The following MXI1 variants were observed in gnomAD, a reference collection of about 807,000 sequenced individuals.
MXI1 encodes the protein max-interacting protein 1.
MXI1 carries 18 observed loss-of-function variants against 36.9 expected under a neutral mutation model. That is an observed-to-expected ratio of 0.49 (90% CI 0.34 to 0.72). The LOEUF is 0.72. Among genes scored for constraint, MXI1 ranks in the 30% least tolerant of loss-of-function variants. The pLI, the probability that MXI1 is intolerant of heterozygous loss-of-function variation, is 0.01. For missense variants in MXI1, 304 were observed against 379.1 expected (o/e 0.80, Z 1.64); for synonymous variants, 160 against 146.7 (o/e 1.09, Z -0.65).
At chr10:110,256,265 C>T (rs1247821134) in intron 3 of MXI1, among the ~76,000 whole-genome samples, 3 of 152,030 alleles carry the variant, frequency 2.0e-5, no homozygotes, top group South Asian at 4.2e-4. Flanking sequence ...TTACATATGA[C>T]ACCAAAAACA....
intron 3 of MXI1, among the ~76,000 whole-genome samples, chr10:110,275,877 T>C (rs1260032573): frequency 6.6e-6 from 1 of 152,194 alleles, no homozygotes; most frequent in African/African-American, 2.4e-5. Context: ...CTGGCCTTTG[T>C]GAGATATCTC....
At chr10:110,268,795 G>A (rs1856765967) in intron 3 of MXI1, among the ~76,000 whole-genome samples, 1 of 151,620 alleles carries the variant, frequency 6.6e-6, no homozygotes, top group African/African-American at 2.4e-5. Flanking sequence ...ATGAAAGAGA[G>A]GTCAAAACAG....
At chr10:110,214,776 C>T (rs1213508696) in intron 1 of MXI1, among the ~76,000 whole-genome samples, 1 of 151,794 alleles carries the variant, frequency 6.6e-6, no homozygotes, top group Admixed American at 6.6e-5. Context: ...ACACACCTAA[C>T]CCCCGACAGC....
chr10:110,259,644 ACTTTGTTAGTAT>A (rs1856438797), intron 3 of MXI1, among the ~76,000 whole-genome samples: 1 of 152,078 alleles, frequency 6.6e-6, no homozygotes, highest in Admixed American at 6.6e-5. Context: ...TAGATGAGAG[ACTTTGTTAGTAT>A]CTTGCATTTA....
At chr10:110,237,427 C>G (rs1590355421) in intron 2 of MXI1, among the ~76,000 whole-genome samples, 1 of 152,070 alleles carries the variant, frequency 6.6e-6, no homozygotes, top group Non-Finnish European at 1.5e-5. Flanking sequence ...AATGCTTTTT[C>G]TACATCTATT....
intron 3 of MXI1, among the ~76,000 whole-genome samples, chr10:110,252,249 C>G (rs1014350260): frequency 1.3e-5 from 2 of 152,128 alleles, no homozygotes; most frequent in Non-Finnish European, 2.9e-5. Flanking sequence ...GTGCCTACTG[C>G]AGCAAGGAAA....
chr10:110,228,680 G>T (rs1009215545), intron 2 of MXI1, among the ~76,000 whole-genome samples: 1 of 152,076 alleles, frequency 6.6e-6, no homozygotes, highest in African/African-American at 2.4e-5. Context: ...AAAAAAATCA[G>T]AAATAGGTCT....
chr10:110,246,006 A>G (rs1855850793), intron 3 of MXI1, among the ~76,000 whole-genome samples: 1 of 152,130 alleles, frequency 6.6e-6, no homozygotes, highest in Admixed American at 6.6e-5. Flanking sequence ...AGAGTAAAAT[A>G]CTTTCTTTTT....
At chr10:110,280,796 A>G (rs1324382916) in intron 5 of MXI1, among the ~76,000 whole-genome samples, 1 of 152,158 alleles carries the variant, frequency 6.6e-6, no homozygotes, top group African/African-American at 2.4e-5. Flanking sequence ...TGTAGATTTT[A>G]AAGTACAACA....
chr10:110,279,790 T>C (rs1857169553), intron 4 of MXI1, 124 bp from the exon 5 acceptor site: 2 of 589,238 alleles, frequency 3.4e-6, no homozygotes. Context: ...TTAAAATGTA[T>C]TTATATATTT....
intron 3 of MXI1, among the ~76,000 whole-genome samples, chr10:110,273,000 T>TA (rs1428719436): frequency 6.6e-6 from 1 of 150,796 alleles, no homozygotes; most frequent in East Asian, 2.0e-4. Flanking sequence ...AGGTGAAACA[T>TA]ACGATTATCA....
intron 1 of MXI1, chr10:110,227,622 C>T (rs1447163538): frequency 1.2e-5 from 10 of 868,656 alleles, no homozygotes; most frequent in Non-Finnish European, 1.2e-5. Flanking sequence ...GAACACTGAG[C>T]GGGGGAAAAC....
Position 110,210,840 on chromosome 10 carries a change from G to A in MXI1, c.274+2758G>A, listed in dbSNP as rs543064523. 5.9e-5 allele frequency among the ~76,000 whole-genome samples: 9 copies of A among 152,340 alleles called. No homozygotes were observed. In the South Asian group the frequency reaches 1.4e-3, roughly 25 times the overall value. ...ACGCGAGTCGGGGGGCGGGTCGTGC[G>A]TGCGCCCGGCTCGGGCACTGCGGGT... is the stretch of plus-strand genomic sequence containing the variant. On this transcript the variant is annotated intron_variant, in intron 1 of 5. Coordinates refer to ENST00000332674, the MANE Select transcript of MXI1 (RefSeq NM_130439.3).
chr10:110,259,542 ATCT>A (rs1856433406), intron 3 of MXI1, among the ~76,000 whole-genome samples: 1 of 152,108 alleles, frequency 6.6e-6, no homozygotes, highest in Admixed American at 6.5e-5. Context: ...TTAAACTAGA[ATCT>A]TCTTCATTTA....
At chr10:110,282,537 C>A in intron 5 of MXI1, among the ~76,000 whole-genome samples, 1 of 152,180 alleles carries the variant, frequency 6.6e-6, no homozygotes, top group South Asian at 2.1e-4. Flanking sequence ...TGCTAACTAG[C>A]GGAAACCTCT....
Position 110,228,272 on chromosome 10 carries a change from C to T in MXI1, c.358C>T (p.Arg120Trp). ...TTCAAAGCCCCCACGGAGGTTGAGCCGGGCACAGAAACACAGCAGCGGGAG... is the reference window on the plus strand; with the variant it reads ...TTCAAAGCCCCCACGGAGGTTGAGCTGGGCACAGAAACACAGCAGCGGGAG... ...QHSKPPRRLS[R>W]AQKHSSGSSN... The change falls in exon 2 of 6, where the codon CGG becomes TGG. Residue 120 changes from arginine to tryptophan, a missense_variant. This residue lies in a region of MXI1 where 179 missense variants were observed against 184.8 expected (regional missense o/e 0.97). Coordinates refer to ENST00000332674, the MANE Select transcript of MXI1 (RefSeq NM_130439.3). 5 of 1,614,132 alleles carry T rather than the reference C, an allele frequency of 3.1e-6. No individual in the cohort carries two copies. Among genetic ancestry groups the T allele is most frequent in the Non-Finnish European group, 4.2e-6 (5 of 1,180,028 alleles).
chr10:110,240,540 C>T (rs921517044), intron 2 of MXI1, among the ~76,000 whole-genome samples: 4 of 151,734 alleles, frequency 2.6e-5, no homozygotes, highest in African/African-American at 9.7e-5. Flanking sequence ...ATGTACTTTT[C>T]GATGGAAACA....
intron 3 of MXI1, among the ~76,000 whole-genome samples, chr10:110,265,235 A>G (rs1365859814): frequency 3.9e-5 from 6 of 152,248 alleles, no homozygotes; most frequent in South Asian, 4.1e-4. Context: ...ACTATATTCA[A>G]TAAAGTACAA....
chr10:110,265,911 T>C lies in MXI1; in HGVS notation c.438-13269T>C, dbSNP rs192402537. On this transcript the variant is annotated intron_variant, in intron 3 of 5. Coordinates refer to ENST00000332674, the MANE Select transcript of MXI1 (RefSeq NM_130439.3). ...GGGCTTTCAGGAGAAACACTACATC[T>C]GAGTCTCTTTTGCTCTTTTAATCAT... Among the ~76,000 whole-genome samples the C allele has an allele frequency of 2.0e-5, 3 of 152,346 alleles. No individual in the cohort carries two copies. The East Asian group carries it at 5.8e-4, about 29-fold the overall frequency.
Sources: gnomAD v4.1 joint callset for allele counts (sites outside exome capture counted in the v4.1 genomes callset) on GRCh38, gnomAD v4.1.1 for gene constraint, gnomAD v4.1.1 regional missense constraint, MANE v1.5 for transcripts, NCBI Gene and HGNC (gene_info 2026-07-23, HGNC 2026-07-21) for gene names.